The following KIRREL3 variants were observed in gnomAD, a reference collection of about 807,000 sequenced individuals.
KIRREL3 encodes the protein kin of IRRE-like protein 3.
A neutral mutation model predicts 89.7 loss-of-function variants in KIRREL3; 36 were observed. That is an observed-to-expected ratio of 0.40 (90% CI 0.31 to 0.53). KIRREL3 has a LOEUF of 0.53. Ranked by LOEUF, KIRREL3 falls within the 20% of genes least tolerant of loss-of-function variation. The probability of loss-of-function intolerance (pLI) is 0.49; values close to 1 mark genes in which losing one functional copy is unlikely to be tolerated. For missense variants in KIRREL3, 864 were observed against 1,056.6 expected (o/e 0.82, Z 2.53); for synonymous variants, 445 against 441.4 (o/e 1.01, Z -0.10).
intron 1 of KIRREL3, among the ~76,000 whole-genome samples, chr11:126,573,827 CAG>C (rs1941103697): frequency 6.6e-6 from 1 of 152,082 alleles, no homozygotes; most frequent in Non-Finnish European, 1.5e-5. Context: ...AAAGGAATAA[CAG>C]AGACCACAGG....
rs1213471164 is a variant in KIRREL3, at chr11:126,588,584, G to A, written c.56-25672C>T. Among the ~76,000 whole-genome samples, 10 of 152,254 alleles carry A rather than the reference G, an allele frequency of 6.6e-5. No homozygotes were observed. In the South Asian group the frequency reaches 1.2e-3, roughly 19 times the overall value. On this transcript the variant is annotated intron_variant, in intron 1 of 16. Coordinates refer to ENST00000525144, the MANE Select transcript of KIRREL3 (RefSeq NM_032531.4). ...CTTTGGAGTCCTAAGCCTTGCACGC[G>A]CCCTGGGCACTCCAATCCTCCTCAC...
intron 1 of KIRREL3, among the ~76,000 whole-genome samples, chr11:126,835,693 T>C (rs1273226479): frequency 1.3e-5 from 2 of 152,186 alleles, no homozygotes; most frequent in African/African-American, 4.8e-5. Flanking sequence ...ACCTAGGAGA[T>C]GGGTATTGAA....
chr11:126,507,857 G>C (rs900283442), intron 4 of KIRREL3, among the ~76,000 whole-genome samples: 1 of 152,218 alleles, frequency 6.6e-6, no homozygotes, highest in African/African-American at 2.4e-5. Context: ...AGGGCTCAGC[G>C]TTGTCTGGAA....
chr11:126,826,403 C>G (rs1183148436), intron 1 of KIRREL3, among the ~76,000 whole-genome samples: 2 of 152,162 alleles, frequency 1.3e-5, no homozygotes, highest in Non-Finnish European at 2.9e-5. Flanking sequence ...CCCATATGAC[C>G]ATGCAGCCAA....
chr11:126,775,288 G>A (rs1233739974), intron 1 of KIRREL3, among the ~76,000 whole-genome samples: 1 of 152,176 alleles, frequency 6.6e-6, no homozygotes, highest in Non-Finnish European at 1.5e-5. Flanking sequence ...TTGGAAGCTG[G>A]TTCCTGACAG....
rs763505983 is a variant in KIRREL3, at chr11:126,424,542, C to G, written c.*38G>C. Reference sequence around the variant, plus strand: ...CTGGACAACCAGAACGTGCCCTGACCTCTTCCCTGGCCCGTCCCCACCCGC... The same window carrying G: ...CTGGACAACCAGAACGTGCCCTGACGTCTTCCCTGGCCCGTCCCCACCCGC... On this transcript the variant is annotated 3_prime_UTR_variant, in exon 17 of 17. Coordinates refer to ENST00000525144, the MANE Select transcript of KIRREL3 (RefSeq NM_032531.4). 6.2e-7 allele frequency: 1 copy of G among 1,601,340 alleles called. No homozygotes were observed. The highest frequency in any genetic ancestry group is 8.5e-7 in the Non-Finnish European group (1 of 1,171,556).
intron 1 of KIRREL3, among the ~76,000 whole-genome samples, chr11:126,923,285 C>CTCCTTCT (rs1947534317): frequency 8.4e-6 from 1 of 119,014 alleles, no homozygotes; most frequent in African/African-American, 3.6e-5. Context: ...CCTTCTCCTT[C>CTCCTTCT]TCCTTCTCCT....
chr11:126,852,401 G>A (rs10750353), intron 1 of KIRREL3, among the ~76,000 whole-genome samples: 129,136 of 152,152 alleles, frequency 0.85, 55,000 homozygotes, highest in East Asian at 1. Flanking sequence ...ATCTAGCCTA[G>A]GACCAATCAT....
intron 1 of KIRREL3, among the ~76,000 whole-genome samples, chr11:126,762,045 G>T (rs1202221527): frequency 6.6e-6 from 1 of 152,056 alleles, no homozygotes; most frequent in East Asian, 1.9e-4. Context: ...TGGGGATGGT[G>T]GTGTGCAACT....
chr11:126,803,661 T>C (rs1406863498), intron 1 of KIRREL3, among the ~76,000 whole-genome samples: 2 of 152,106 alleles, frequency 1.3e-5, no homozygotes, highest in Non-Finnish European at 2.9e-5. Context: ...CCCAGAATGA[T>C]TGATCTAACT....
rs1460753236 is a variant in KIRREL3, at chr11:126,430,148, A to AG, written c.1697-861_1697-860insC. 7.0e-6 allele frequency among the ~76,000 whole-genome samples: 1 copy of AG among 142,428 alleles called. No homozygotes were observed. Among genetic ancestry groups the AG allele is most frequent in the Non-Finnish European group, 1.5e-5 (1 of 65,756 alleles). 93.4% of individuals were successfully genotyped at this position (142,428 alleles called of 152,430 possible). On this transcript the variant is annotated intron_variant, in intron 14 of 16. Transcript: ENST00000525144. This position sits in a 1 kb window ranked among gnomAD's most constrained non-coding sequence, Gnocchi z 6.6. ...ATGAGACTCTGTCTCAAAAAAAAAA[A>AG]AGGAAATTCTTGAGGAGCTGGTGCG...
At chr11:126,923,084 G>T (rs1447055749) in intron 1 of KIRREL3, among the ~76,000 whole-genome samples, 3 of 133,830 alleles carry the variant, frequency 2.2e-5, no homozygotes, top group African/African-American at 8.5e-5. Flanking sequence ...TTGCCTTGTG[G>T]ATCTTCTTCT....
chr11:126,826,574 C>T (rs1298860943), intron 1 of KIRREL3, among the ~76,000 whole-genome samples: 1 of 152,130 alleles, frequency 6.6e-6, no homozygotes, highest in Admixed American at 6.5e-5. Flanking sequence ...CCACGTTCTG[C>T]GTGGAAGTTA....
chr11:126,760,169 C>T (rs1251763299), intron 1 of KIRREL3, among the ~76,000 whole-genome samples: 2 of 152,162 alleles, frequency 1.3e-5, no homozygotes, highest in Admixed American at 6.5e-5. Flanking sequence ...ATTTTTCTTT[C>T]CTTCCTCCTG....
intron 1 of KIRREL3, among the ~76,000 whole-genome samples, chr11:126,858,831 G>A (rs1190283390): frequency 2.0e-5 from 3 of 152,230 alleles, no homozygotes; most frequent in Non-Finnish European, 4.4e-5. Context: ...TATGGCTGGA[G>A]TGGCAGAACA....
intron 5 of KIRREL3, among the ~76,000 whole-genome samples, chr11:126,470,578 G>A (rs930539626): frequency 1.3e-5 from 2 of 152,190 alleles, no homozygotes; most frequent in African/African-American, 2.4e-5. Context: ...GGATGACCAA[G>A]GCCCTGCTTA....
chr11:126,857,770 G>T (rs1043030498), intron 1 of KIRREL3, among the ~76,000 whole-genome samples: 5 of 132,818 alleles, frequency 3.8e-5, no homozygotes, highest in African/African-American at 5.8e-5. Flanking sequence ...TGGGAGAAAA[G>T]TCTTCAGGCT....
Position 126,485,183 on chromosome 11 carries a change from C to T in KIRREL3, c.434-11717G>A, listed in dbSNP as rs1299369439. Among the ~76,000 whole-genome samples, 1 of 152,122 alleles carries T rather than the reference C, an allele frequency of 6.6e-6. No individual in the cohort carries two copies. The highest frequency in any genetic ancestry group is 2.1e-4 in the South Asian group (1 of 4,824). On this transcript the variant is annotated intron_variant, in intron 4 of 16. Transcript: ENST00000525144. This position sits in a 1 kb window ranked among gnomAD's most constrained non-coding sequence, Gnocchi z 5.8. Reference sequence around the variant, plus strand: ...TGGCAGCACAATCGCACAGACGTGTCTCCAAGGAGGTTGGGGACAGAGAGA... The same window carrying T: ...TGGCAGCACAATCGCACAGACGTGTTTCCAAGGAGGTTGGGGACAGAGAGA...
At chr11:126,442,670 C>A (rs1358835122) in intron 10 of KIRREL3, among the ~76,000 whole-genome samples, 2 of 152,244 alleles carry the variant, frequency 1.3e-5, no homozygotes, top group Non-Finnish European at 2.9e-5. Flanking sequence ...CCAGCCCATG[C>A]CCAGGTCCCA....
Sources: gnomAD v4.1 joint callset for allele counts (sites outside exome capture counted in the v4.1 genomes callset) on GRCh38, gnomAD v4.1.1 for gene constraint, Gnocchi (gnomAD v3.1) non-coding constraint, MANE v1.5 for transcripts, NCBI Gene and HGNC (gene_info 2026-07-23, HGNC 2026-07-21) for gene names.